SAMD12: variants seen among roughly 807,000 people sequenced by gnomAD.
SAMD12 encodes sterile alpha motif domain containing 12.
Under a neutral mutation model 15.0 loss-of-function variants are expected in SAMD12, and 9 were observed. That is an observed-to-expected ratio of 0.60 (90% CI 0.36 to 1.05). The LOEUF (loss-of-function observed/expected upper bound fraction) is 1.05, where lower values mean the gene tolerates loss of function less well. SAMD12 is among the 50% of genes least tolerant of loss of function. The probability of loss-of-function intolerance (pLI) is 0.01; values close to 1 mark genes in which losing one functional copy is unlikely to be tolerated. For missense variants in SAMD12, 230 were observed against 234.2 expected (o/e 0.98, Z 0.12); for synonymous variants, 86 against 90.1 (o/e 0.96, Z 0.25).
chr8:118,448,539 C>G (rs1346967644), intron 2 of SAMD12, among the ~76,000 whole-genome samples: 1 of 152,232 alleles, frequency 6.6e-6, no homozygotes. Context: ...ACAGATCCTA[C>G]ATCCTTTGAG....
chr8:118,474,539 C>T (rs1353375359), intron 2 of SAMD12, among the ~76,000 whole-genome samples: 2 of 149,822 alleles, frequency 1.3e-5, no homozygotes, highest in Non-Finnish European at 2.9e-5. Context: ...TGCCACCATG[C>T]CCAGCTATTT....
intron 2 of SAMD12, among the ~76,000 whole-genome samples, chr8:118,548,908 C>T (rs920456294): frequency 1.3e-5 from 2 of 152,378 alleles, no homozygotes; most frequent in African/African-American, 2.4e-5. Context: ...CCTACGCCCA[C>T]GGAGTCTCCC....
intron 2 of SAMD12, among the ~76,000 whole-genome samples, chr8:118,576,457 C>A (rs1207595653): frequency 6.6e-6 from 1 of 152,202 alleles, no homozygotes; most frequent in Non-Finnish European, 1.5e-5. Context: ...GTTGAACACA[C>A]CTGGGCATTT....
intron 2 of SAMD12, among the ~76,000 whole-genome samples, chr8:118,535,849 G>A (rs373881153): frequency 7.9e-5 from 12 of 152,222 alleles, no homozygotes; most frequent in African/African-American, 1.7e-4. Flanking sequence ...CTTCTGTCAC[G>A]GCTCCCCTTG....
At chr8:118,421,684 C>A (rs1466244548) in intron 3 of SAMD12, among the ~76,000 whole-genome samples, 2 of 152,202 alleles carry the variant, frequency 1.3e-5, no homozygotes, top group East Asian at 1.9e-4. Context: ...TAAATAGAAG[C>A]TTTTTAGATA....
the SAMD12 span, among the ~76,000 whole-genome samples, chr8:118,133,249 AATG>A: frequency 2.0e-5 from 3 of 151,770 alleles, no homozygotes; most frequent in African/African-American, 7.3e-5. Flanking sequence ...GCATTCAATA[AATG>A]ATATTTCCCC....
At chr8:118,323,843 C>T (rs887356254) in intron 4 of SAMD12, among the ~76,000 whole-genome samples, 1 of 151,836 alleles carries the variant, frequency 6.6e-6, no homozygotes, top group African/African-American at 2.4e-5. Flanking sequence ...AAAATCTGTA[C>T]AACACAACAT....
At chr8:118,494,737 T>C in intron 2 of SAMD12, among the ~76,000 whole-genome samples, 1 of 152,208 alleles carries the variant, frequency 6.6e-6, no homozygotes, top group African/African-American at 2.4e-5. Flanking sequence ...ACACCCTTCA[T>C]CTCCTTATCT....
chr8:118,502,639 A>T (rs2131044294), intron 2 of SAMD12, among the ~76,000 whole-genome samples: 1 of 152,346 alleles, frequency 6.6e-6, no homozygotes, highest in South Asian at 2.1e-4. Flanking sequence ...AATGAATAAA[A>T]ATGTAAAATT....
rs1817890320 is a variant in SAMD12 at position 118,350,226 on chromosome 8, G to A, written c.433+29334C>T. Among the ~76,000 whole-genome samples, 3 of 152,166 alleles carry A rather than the reference G, an allele frequency of 2.0e-5. No homozygotes were observed. The South Asian group carries it at 6.2e-4, about 31-fold the overall frequency. On this transcript the variant is annotated intron_variant, in intron 4 of 4. Transcript: ENST00000409003. ...TCGTTTTAGTTTACAGGTCAGTAAG[G>A]CTAAGAAAAGAAAGGAACTTGACCA...
intron 4 of SAMD12, among the ~76,000 whole-genome samples, chr8:118,264,055 A>G (rs965263389): frequency 1.3e-5 from 2 of 152,226 alleles, no homozygotes; most frequent in African/African-American, 4.8e-5. Context: ...CTTTAGGTTT[A>G]TTTTTGGTCT....
intron 4 of SAMD12, among the ~76,000 whole-genome samples, chr8:118,253,489 T>C (rs1812865216): frequency 1.3e-5 from 2 of 152,206 alleles, no homozygotes; most frequent in African/African-American, 4.8e-5. Context: ...TATGAGGATA[T>C]ATTATAAACT....
intron 4 of SAMD12, among the ~76,000 whole-genome samples, chr8:118,311,224 T>C (rs958904900): frequency 1.3e-5 from 2 of 152,216 alleles, no homozygotes; most frequent in African/African-American, 4.8e-5. Flanking sequence ...TGCTTCCTTA[T>C]ATGATAAAAG....
chr8:118,422,974 G>A (rs1040138674), intron 3 of SAMD12, among the ~76,000 whole-genome samples: 4 of 151,920 alleles, frequency 2.6e-5, no homozygotes, highest in African/African-American at 9.7e-5. Context: ...TTTTTTCCTC[G>A]ACCAGCCTGG....
chr8:118,310,011 T>G (rs1815552825), intron 4 of SAMD12, among the ~76,000 whole-genome samples: 2 of 152,222 alleles, frequency 1.3e-5, no homozygotes, highest in Admixed American at 1.3e-4. Context: ...TCCCCTACTT[T>G]CCTTATAGAA....
At chr8:118,601,264 ATTCTT>A (rs1258011091) in intron 1 of SAMD12, among the ~76,000 whole-genome samples, 1 of 152,144 alleles carries the variant, frequency 6.6e-6, no homozygotes, top group African/African-American at 2.4e-5. Flanking sequence ...TTTTAAAAAA[ATTCTT>A]AAATTTCTAA....
chr8:118,396,114 T>G (rs556587797), intron 3 of SAMD12, among the ~76,000 whole-genome samples: 4 of 152,316 alleles, frequency 2.6e-5, no homozygotes, highest in African/African-American at 9.6e-5. Context: ...TAATTATGTA[T>G]TGTTTCGTGT....
intron 2 of SAMD12, among the ~76,000 whole-genome samples, chr8:118,467,284 ATCT>A (rs1425565007): frequency 6.6e-6 from 1 of 152,204 alleles, no homozygotes. Flanking sequence ...CTCAGAACAA[ATCT>A]TCTTAGTATG....
intron 2 of SAMD12, among the ~76,000 whole-genome samples, chr8:118,453,646 A>G (rs1325524715): frequency 2.0e-5 from 3 of 151,940 alleles, no homozygotes; most frequent in Admixed American, 2.0e-4. Flanking sequence ...TCAGCCCCAC[A>G]AGCAACTGGG....
Sources: allele counts gnomAD v4.1 joint callset (sites outside exome capture counted in the v4.1 genomes callset), GRCh38; gene constraint gnomAD v4.1.1; transcripts MANE v1.5; gene names NCBI Gene and HGNC (gene_info 2026-07-23, HGNC 2026-07-21).